The following CIST1 variants were observed in gnomAD, a reference collection of about 807,000 sequenced individuals.
The protein encoded by CIST1 is colon, intestine and stomach enriched 1.
the CIST1 span, among the ~76,000 whole-genome samples, chr19:18,251,285 C>G: frequency 6.7e-6 from 1 of 150,140 alleles, no homozygotes; most frequent in African/African-American, 2.5e-5. Flanking sequence ...GCCACCATGC[C>G]TGGCTATTTT....
At chr19:18,249,957 G>A in the CIST1 span, 1 of 395,532 alleles carries the variant, frequency 2.5e-6, no homozygotes, top group East Asian at 3.6e-5. Context: ...TGTGACCCCA[G>A]CACAGAGCCC....
the CIST1 span, chr19:18,252,304 C>T: frequency 2.5e-6 from 1 of 399,112 alleles, no homozygotes; most frequent in Non-Finnish European, 4.4e-6. Flanking sequence ...GTAGGGGTTG[C>T]CCCTGAACTT....
the CIST1 span, among the ~76,000 whole-genome samples, chr19:18,253,632 T>C: frequency 4.9e-4 from 75 of 152,038 alleles, no homozygotes; most frequent in Middle Eastern, 0.01. Flanking sequence ...GATCCACCTA[T>C]GAGCTCAGAG....
chr19:18,253,521 A>C, the CIST1 span, among the ~76,000 whole-genome samples: 1 of 150,034 alleles, frequency 6.7e-6, no homozygotes, highest in Non-Finnish European at 1.5e-5. Flanking sequence ...ACTGAACTCC[A>C]GCCTAGGCAA....
the CIST1 span, among the ~76,000 whole-genome samples, chr19:18,250,908 A>T: frequency 6.6e-6 from 1 of 151,382 alleles, no homozygotes; most frequent in South Asian, 2.1e-4. Flanking sequence ...CCAGTAGCTG[A>T]GACTACAAGT....
chr19:18,250,773 ATTTT>A, the CIST1 span, among the ~76,000 whole-genome samples: 2 of 124,614 alleles, frequency 1.6e-5, no homozygotes, highest in Admixed American at 7.9e-5. Flanking sequence ...TGCCTGGACA[ATTTT>A]TTTTTTTTTT....
At chr19:18,251,326 A>G in the CIST1 span, among the ~76,000 whole-genome samples, 8 of 151,074 alleles carry the variant, frequency 5.3e-5, no homozygotes, top group South Asian at 1.5e-3. Flanking sequence ...GGGTTTCACC[A>G]TGTTGGCCAG....
the CIST1 span, chr19:18,252,162 CT>C: frequency 2.5e-6 from 1 of 399,088 alleles, no homozygotes; most frequent in South Asian, 1.3e-4. Flanking sequence ...GGATTCGGAA[CT>C]GGGGAGGGTG....
chr19:18,255,084 C>G, the CIST1 span: 15 of 392,742 alleles, frequency 3.8e-5, no homozygotes, highest in Non-Finnish European at 5.8e-5. This position sits in a 1 kb window ranked among gnomAD's most constrained non-coding sequence, Gnocchi z 4.6. Flanking sequence ...GGGGGAAAAC[C>G]CAGCCTTCCT....
chr19:18,250,435 G>T, the CIST1 span: 2 of 399,010 alleles, frequency 5.0e-6, no homozygotes, highest in Non-Finnish European at 8.8e-6. Context: ...CCACACTCGG[G>T]TTCCTGTGTA....
chr19:18,251,607 G>C, the CIST1 span, among the ~76,000 whole-genome samples: 1 of 150,002 alleles, frequency 6.7e-6, no homozygotes, highest in Non-Finnish European at 1.5e-5. Flanking sequence ...GCTAATTTTT[G>C]TAGTTTTAAT....
the CIST1 span, among the ~76,000 whole-genome samples, chr19:18,251,808 C>T: frequency 6.6e-6 from 1 of 150,564 alleles, no homozygotes; most frequent in African/African-American, 2.4e-5. Context: ...GGCCCAAATA[C>T]ATAATGTATA....
At chr19:18,251,701 C>CCCCGCCCCCGCCCCCGCCCCCGCCCCCG in the CIST1 span, among the ~76,000 whole-genome samples, 1 of 142,292 alleles carries the variant, frequency 7.0e-6, no homozygotes, top group Admixed American at 7.1e-5. Context: ...CCGCCCCCGC[C>CCCCGCCCCCGCCCCCGCCCCCGCCCCCG]CTCGGCCTCC....
At chr19:18,255,416 G>A in the CIST1 span, 46 of 397,078 alleles carry the variant, frequency 1.2e-4, no homozygotes, top group South Asian at 3.9e-3. The surrounding 1 kb of genome is among the most constrained non-coding windows in gnomAD (Gnocchi z 4.6). Flanking sequence ...GGCGGAGCGC[G>A]GGGCTGTGCA....
chr19:18,253,560 A>AC, the CIST1 span, among the ~76,000 whole-genome samples: 12 of 51,652 alleles, frequency 2.3e-4, no homozygotes, highest in African/African-American at 7.1e-4. Flanking sequence ...CAAAAAAAAA[A>AC]AAAACACACA....
the CIST1 span, among the ~76,000 whole-genome samples, chr19:18,254,278 C>A: frequency 6.6e-6 from 1 of 152,162 alleles, no homozygotes; most frequent in East Asian, 1.9e-4. Context: ...GACCCCAAGC[C>A]AAGTCAGAAT....
chr19:18,251,070 C>T, the CIST1 span, among the ~76,000 whole-genome samples: 1 of 151,556 alleles, frequency 6.6e-6, no homozygotes, highest in Non-Finnish European at 1.5e-5. Context: ...GCCACTGAGC[C>T]CAGCCTAATT....
chr19:18,251,933 A>G, the CIST1 span: 1 of 396,874 alleles, frequency 2.5e-6, no homozygotes, highest in East Asian at 3.6e-5. Flanking sequence ...AGCTTTAGAC[A>G]ATGGAGCAGA....
the CIST1 span, among the ~76,000 whole-genome samples, chr19:18,253,443 C>T: frequency 6.6e-6 from 1 of 151,792 alleles, no homozygotes; most frequent in Admixed American, 6.6e-5. Context: ...CCCAGCTACT[C>T]AGGAGGCTGA....
Sources: allele counts gnomAD v4.1 joint callset (sites outside exome capture counted in the v4.1 genomes callset), GRCh38; gene constraint gnomAD v4.1.1; non-coding constraint Gnocchi (gnomAD v3.1); transcripts MANE v1.5; gene names NCBI Gene and HGNC (gene_info 2026-07-23, HGNC 2026-07-21).